The following ZNF536 variants were observed in gnomAD, a reference collection of about 807,000 sequenced individuals.
The protein encoded by ZNF536 is zinc finger protein 536.
In ZNF536, 13 loss-of-function variants were observed where a neutral mutation model predicts 84.5. The observed-to-expected ratio is 0.15, with a 90% confidence interval of 0.10 to 0.24. The LOEUF (loss-of-function observed/expected upper bound fraction) is 0.24. Ranked by LOEUF, ZNF536 falls within the 10% of genes least tolerant of loss-of-function variation. ZNF536 has a pLI of 1.00. For synonymous variants in ZNF536, 811 were observed against 742.5 expected (o/e 1.09, Z -1.50); for missense variants, 1,536 against 1,747.5 (o/e 0.88, Z 2.16).
chr19:30,444,510 C>T lies in ZNF536; in HGVS notation c.948C>T (p.Ile316=), dbSNP rs904079311. 2 of 1,612,374 alleles carry T rather than the reference C, an allele frequency of 1.2e-6. No homozygotes were observed. Among genetic ancestry groups the T allele is most frequent in the Admixed American group, 1.7e-5 (1 of 60,014 alleles). The change falls in exon 2 of 5, where the codon ATC becomes ATT. Residue 316 remains isoleucine (I), a synonymous_variant. Coordinates refer to ENST00000355537, the MANE Select transcript of ZNF536 (RefSeq NM_014717.3). ...CGGCTTCGCAGGAGGAGGAGCTCAT[C>T]AGCCACGTGGAGAAGGCACACATCA... The part of the protein sequence containing the change: ...DFAASQEEEL[I]SHVEKAHITA...
At position 30,678,742 on chromosome 19, in the gene ZNF536, C is replaced by A. The variant is rs1034064628; in HGVS notation, c.170-32015C>A. 1.2e-4 allele frequency among the ~76,000 whole-genome samples: 18 copies of A among 150,546 alleles called. 1 individual carries two copies. The highest frequency in any genetic ancestry group is 3.9e-4 in the African/African-American group (16 of 40,742). On this transcript the variant is annotated intron_variant, in intron 1 of 1. Coordinates refer to the ZNF536 transcript ENST00000592773. ...TGGTACCCACCCCCAAGCCCCCCCA[C>A]ACACACCTATACCCTTACTGTTTAG...
intron 2 of ZNF536, among the ~76,000 whole-genome samples, chr19:30,329,737 T>C (rs2047149117): frequency 2.0e-5 from 3 of 152,206 alleles, no homozygotes; most frequent in Non-Finnish European, 4.4e-5. Context: ...TAAGGTCATG[T>C]CAATATTTCC....
At chr19:30,477,087 C>A (rs2053881271) in intron 2 of ZNF536, among the ~76,000 whole-genome samples, 1 of 152,298 alleles carries the variant, frequency 6.6e-6, no homozygotes, top group South Asian at 2.1e-4. Context: ...TGGTAACTAG[C>A]CTATATTTTC....
In ZNF536 at chr19:30,537,891, C is replaced by T. The variant is rs1052479967; in HGVS notation, c.2323+2892C>T. ...ACCACCCCTCGGAAGCAGCATTCGC[C>T]GTATGTAAAAGGCAGAATGGTAACC... is the stretch of plus-strand genomic sequence containing the variant. On this transcript the variant is annotated intron_variant, in intron 3 of 4. Coordinates refer to ENST00000355537, the MANE Select transcript of ZNF536 (RefSeq NM_014717.3). 7.9e-5 allele frequency among the ~76,000 whole-genome samples: 12 copies of T among 152,064 alleles called. No individual in the cohort carries two copies. In the South Asian group the frequency reaches 1.7e-3, roughly 21 times the overall value.
intron 1 of ZNF536, among the ~76,000 whole-genome samples, chr19:30,635,461 C>T (rs1165738915): frequency 6.6e-6 from 1 of 152,200 alleles, no homozygotes; most frequent in African/African-American, 2.4e-5. Context: ...CAAGATGGCT[C>T]CCTGCCTGAG....
chr19:30,659,581 A>G (rs745698488), intron 1 of ZNF536, among the ~76,000 whole-genome samples: 1 of 152,232 alleles, frequency 6.6e-6, no homozygotes, highest in East Asian at 1.9e-4. Flanking sequence ...CCTCACAAAC[A>G]TGGTGGAAGG....
chr19:30,481,142 T>A (rs1175393600), intron 2 of ZNF536, among the ~76,000 whole-genome samples: 1 of 152,248 alleles, frequency 6.6e-6, no homozygotes, highest in Non-Finnish European at 1.5e-5. Flanking sequence ...CAGTCACTTA[T>A]GTCTGAGGTT....
intron 2 of ZNF536, among the ~76,000 whole-genome samples, chr19:30,515,369 C>A (rs934381835): frequency 2.0e-5 from 3 of 152,214 alleles, no homozygotes; most frequent in African/African-American, 7.2e-5. Flanking sequence ...TTAATGTTAA[C>A]TGCTATTGAA....
intron 1 of ZNF536, among the ~76,000 whole-genome samples, chr19:30,273,439 G>T (rs993811346): frequency 5.3e-5 from 8 of 152,216 alleles, no homozygotes; most frequent in Non-Finnish European, 8.8e-5. Flanking sequence ...TGTGATAGGG[G>T]TGTAGTGGTA....
chr19:30,710,475 G>A (rs1387269138), intron 1 of ZNF536, among the ~76,000 whole-genome samples: 1 of 152,172 alleles, frequency 6.6e-6, no homozygotes, highest in African/African-American at 2.4e-5. Context: ...AGGAGTTTGA[G>A]GCTGCAGTGA....
chr19:30,546,927 G>A (rs2045581775), intron 3 of ZNF536, among the ~76,000 whole-genome samples: 3 of 152,124 alleles, frequency 2.0e-5, no homozygotes, highest in Non-Finnish European at 4.4e-5. Context: ...GCCAGCAAAT[G>A]TAAGTTGTCT....
chr19:30,684,353 C>G (rs1011220190), intron 1 of ZNF536, among the ~76,000 whole-genome samples: 1 of 152,064 alleles, frequency 6.6e-6, no homozygotes. Flanking sequence ...CCCAGGCTGG[C>G]CTCCAACTCC....
intron 2 of ZNF536, among the ~76,000 whole-genome samples, chr19:30,321,290 C>T (rs968409073): frequency 2.0e-5 from 3 of 152,234 alleles, no homozygotes; most frequent in Admixed American, 2.0e-4. Context: ...GGTGCGATGG[C>T]TCACGCCTGT....
At chr19:30,349,965 C>T (rs1487458470) in intron 2 of ZNF536, among the ~76,000 whole-genome samples, 1 of 151,700 alleles carries the variant, frequency 6.6e-6, no homozygotes, top group Non-Finnish European at 1.5e-5. Flanking sequence ...TTTTGTTAAC[C>T]TTACTTTCGA....
chr19:30,487,660 T>C (rs1264710194), intron 2 of ZNF536, among the ~76,000 whole-genome samples: 3 of 152,272 alleles, frequency 2.0e-5, no homozygotes, highest in Admixed American at 6.5e-5. Flanking sequence ...GTTAAGAAGG[T>C]CAAACTTACT....
intron 3 of ZNF536, among the ~76,000 whole-genome samples, chr19:30,365,931 T>A (rs764034596): frequency 4.6e-4 from 70 of 152,150 alleles, no homozygotes; most frequent in Non-Finnish European, 7.1e-4. Flanking sequence ...CTTCATTTTT[T>A]AAAAAAAATA....
At chr19:30,581,872 T>C (rs1358712212) in intron 1 of ZNF536, among the ~76,000 whole-genome samples, 1 of 152,116 alleles carries the variant, frequency 6.6e-6, no homozygotes, top group Admixed American at 6.5e-5. Context: ...AGGCAGAGGT[T>C]GCAGTAAGCT....
intron 1 of ZNF536, among the ~76,000 whole-genome samples, chr19:30,669,540 G>T (rs762701179): frequency 2.4e-4 from 37 of 152,192 alleles, no homozygotes; most frequent in Admixed American, 2.4e-3. Context: ...GGGTCCCTTG[G>T]CCTCCCTGTC....
chr19:30,486,519 G>T (rs964872093), intron 2 of ZNF536, among the ~76,000 whole-genome samples: 3 of 152,210 alleles, frequency 2.0e-5, no homozygotes, highest in African/African-American at 7.2e-5. Flanking sequence ...CATTTAGGTT[G>T]ATTCCATGTC....
Sources: allele counts gnomAD v4.1 joint callset (sites outside exome capture counted in the v4.1 genomes callset), GRCh38; gene constraint gnomAD v4.1.1; transcripts MANE v1.5; gene names NCBI Gene and HGNC (gene_info 2026-07-23, HGNC 2026-07-21).